DST: variants seen among roughly 807,000 people sequenced by gnomAD.
The protein encoded by DST is dystonin.
DST carries 253 observed loss-of-function variants against 875.2 expected under a neutral mutation model. That is an observed-to-expected ratio of 0.29 (90% CI 0.26 to 0.32). The LOEUF (loss-of-function observed/expected upper bound fraction) is 0.32, where lower values mean the gene tolerates loss of function less well. Among genes scored for constraint, DST ranks in the 10% least tolerant of loss-of-function variants. The probability of loss-of-function intolerance (pLI) is 1.00; values close to 1 mark genes in which losing one functional copy is unlikely to be tolerated. For missense variants in DST, 8,287 were observed against 9,111.6 expected (o/e 0.91, Z 3.68); for synonymous variants, 3,124 against 3,197.1 (o/e 0.98, Z 0.77).
intron 13 of DST, among the ~76,000 whole-genome samples, chr6:56,646,590 C>T (rs2098944087): frequency 6.6e-6 from 1 of 151,904 alleles, no homozygotes; most frequent in Non-Finnish European, 1.5e-5. Context: ...AATAAAAAAA[C>T]TCTCTTCTAT....
intron 55 of DST, 69 bp from the exon 56 acceptor site, chr6:56,562,269 TTA>T: frequency 8.8e-7 from 1 of 1,130,404 alleles, no homozygotes; most frequent in Non-Finnish European, 1.2e-6. Context: ...GTAGATGGCA[TTA>T]AATCAAACCC....
intron 10 of DST, among the ~76,000 whole-genome samples, chr6:56,653,335 AAGAC>A (rs1264641366): frequency 1.3e-5 from 2 of 152,214 alleles, no homozygotes; most frequent in Non-Finnish European, 2.9e-5. Flanking sequence ...CCTCCACTAA[AAGAC>A]AGCAGATAAA....
intron 22 of DST, among the ~76,000 whole-genome samples, chr6:56,638,329 T>C (rs778330545): frequency 5.3e-5 from 8 of 152,130 alleles, no homozygotes; most frequent in Non-Finnish European, 1.0e-4. Context: ...TTAACATTCA[T>C]ATGTGACATT....
rs200391017 is a variant in DST at position 56,617,982 on chromosome 6, A to T, written c.4930-3498T>A. On this transcript the variant is annotated intron_variant, in intron 36 of 103. Coordinates refer to ENST00000680361, the MANE Select transcript of DST (RefSeq NM_001374736.1). ...CTGATAAGGTCTCAGAACACAGAGT[A>T]TACCTCTAAGGGTGTCAAAACCTTC... 23 of 1,610,918 alleles carry T rather than the reference A, an allele frequency of 1.4e-5. No homozygotes were observed. The Admixed American group carries it at 3.8e-4, about 27-fold the overall frequency.
intron 77 of DST, among the ~76,000 whole-genome samples, chr6:56,504,682 T>A (rs553605716): frequency 6.6e-6 from 1 of 152,020 alleles, no homozygotes; most frequent in East Asian, 1.9e-4. Flanking sequence ...TCAAGTCACA[T>A]TTTTTTTAGG....
rs904996327 is a variant in DST at position 56,506,492 on chromosome 6, T to C, written c.19415A>G (p.Lys6472Arg). ...LNKAWKDRID[K>R]LEEAMQAAVQ... ...GGCAGCCTGCATTGCCTCCTCAAGT[T>C]TGTCAATCCGGTCTTTCCAAGCTTT... Residue 6472 changes from lysine to arginine, a missense_variant, in exon 77 of 104, where the codon AAA becomes AGA. Lys to Arg is a conservative substitution (Grantham distance 26). Transcript: ENST00000680361. The C allele has an allele frequency of 2.2e-5, 35 of 1,613,264 alleles. No homozygotes were observed. Among genetic ancestry groups the C allele is most frequent in the Non-Finnish European group, 2.9e-5 (34 of 1,179,568 alleles).
chr6:56,683,472 C>A (rs922544424), intron 9 of DST, among the ~76,000 whole-genome samples: 2 of 152,170 alleles, frequency 1.3e-5, no homozygotes, highest in Admixed American at 6.5e-5. Flanking sequence ...GATCAAATCA[C>A]ATTAATATCA....
intron 3 of DST, among the ~76,000 whole-genome samples, chr6:56,882,421 G>A (rs1782655690): frequency 1.3e-5 from 2 of 152,102 alleles, no homozygotes. Context: ...ATTTATAATA[G>A]GGCTAATATA....
Position 56,572,122 on chromosome 6 carries a change from T to A in DST, c.13699A>T (p.Met4567Leu), listed in dbSNP as rs1483687792. 6.6e-7 allele frequency: 1 copy of A among 1,513,960 alleles called. No individual in the cohort carries two copies. The highest frequency in any genetic ancestry group is 8.8e-7 in the Non-Finnish European group (1 of 1,131,916). The allele number at this position is 1,513,960 out of a possible 1,614,324, so 93.8% of individuals were successfully genotyped here. Residue 4567 changes from methionine (M) to leucine (L), a missense_variant, in exon 53 of 104, where the codon ATG becomes TTG. Met to Leu is a conservative substitution (Grantham distance 15). Coordinates refer to ENST00000680361, the MANE Select transcript of DST (RefSeq NM_001374736.1). ...TACTTTTCTTTGATGGTATCCTCCATTTCCTTGAATTTCTTTGACAAATTA... is the reference window on the plus strand; with the variant it reads ...TACTTTTCTTTGATGGTATCCTCCAATTCCTTGAATTTCTTTGACAAATTA... ...TNNLSKKFKE[M>L]EDTIKEKKEA... is the part of the protein sequence containing the mutation.
chr6:56,784,669 AATTTCCTCCTGT>A (rs1453868247), intron 4 of DST, among the ~76,000 whole-genome samples: 1 of 152,116 alleles, frequency 6.6e-6, no homozygotes, highest in African/African-American at 2.4e-5. Context: ...CTTTGGTTTG[AATTTCCTCCTGT>A]AGCTCGGAGT....
intron 49 of DST, among the ~76,000 whole-genome samples, chr6:56,591,981 C>CCAA (rs2098282242): frequency 1.6e-5 from 1 of 63,942 alleles, no homozygotes; most frequent in Non-Finnish European, 2.8e-5. Context: ...GACTCCATCT[C>CCAA]AAAAAAAAAA....
chr6:56,655,575 C>G (rs896820302), intron 10 of DST, among the ~76,000 whole-genome samples: 5 of 152,200 alleles, frequency 3.3e-5, no homozygotes, highest in African/African-American at 1.2e-4. Flanking sequence ...CAGTAAGGTT[C>G]TGGCTACCCT....
chr6:56,528,928 G>A lies in DST; in HGVS notation c.17596-3C>T, dbSNP rs777009329. ...AGTAAGATGTCCTCTTGCAGAACCT[G>A]AAAACACAGGTACCATTTTTATGTG... On this transcript the variant is annotated splice_region_variant and splice_polypyrimidine_tract_variant and intron_variant, in intron 66 of 103. Coordinates refer to ENST00000680361, the MANE Select transcript of DST (RefSeq NM_001374736.1). The A allele has an allele frequency of 1.3e-6, 2 of 1,567,932 alleles. No individual in the cohort carries two copies. Among genetic ancestry groups the A allele is most frequent in the East Asian group, 2.3e-5 (1 of 43,824 alleles).
intron 36 of DST, chr6:56,618,841 C>G: frequency 6.2e-7 from 1 of 1,614,136 alleles, no homozygotes; most frequent in Non-Finnish European, 8.5e-7. Context: ...TGTGGGTCAT[C>G]TGCTCCTCTA....
chr6:56,487,266 T>C lies in DST; in HGVS notation c.20885A>G (p.Gln6962Arg). 1 of 1,561,726 alleles carries C rather than the reference T, an allele frequency of 6.4e-7. No homozygotes were observed. The highest frequency in any genetic ancestry group is 8.7e-7 in the Non-Finnish European group (1 of 1,154,172). Residue 6962 changes from glutamine to arginine, a missense_variant, in exon 87 of 104, where the codon CAG becomes CGG. Physicochemically the swap from Gln to Arg is conservative, Grantham distance 43. Transcript: ENST00000680361. ...AGAATGCTTGGCTCCGAGTGATTTC[T>C]GAAACTCCTAAATATTTAACAAGAA... ...KTQLAQHKEF[Q>R]KSLGAKHSVY...
Position 56,476,354 on chromosome 6 carries a change from A to T in DST, c.21676-17T>A, listed in dbSNP as rs768959196. 5.9e-6 allele frequency: 9 copies of T among 1,517,408 alleles called. No homozygotes were observed. The highest frequency in any genetic ancestry group is 2.4e-5 in the Admixed American group (1 of 42,392). The allele number at this position is 1,517,408 out of a possible 1,614,324, so 94.0% of individuals were successfully genotyped here. A position where few individuals can be genotyped will look rare whatever the true frequency, so the allele number is the denominator to read the frequency against. On this transcript the variant is annotated splice_polypyrimidine_tract_variant and intron_variant, in intron 91 of 103. Coordinates refer to ENST00000680361, the MANE Select transcript of DST (RefSeq NM_001374736.1). Reference sequence around the variant, plus strand: ...GGCCAGCACCTGTCAGAGAAACAGAAATTTCTCTGAATTTCCTCCAACTTA... The same window carrying T: ...GGCCAGCACCTGTCAGAGAAACAGATATTTCTCTGAATTTCCTCCAACTTA...
intron 61 of DST, among the ~76,000 whole-genome samples, chr6:56,543,435 G>A (rs79415889): frequency 0.018 from 2,688 of 152,168 alleles, 76 homozygotes; most frequent in African/African-American, 0.062. Context: ...TACTCTTGAG[G>A]TTAACACAAG....
intron 10 of DST, 35 bp from the exon 11 acceptor site, chr6:56,651,279 T>C (rs1024146095): frequency 7.5e-7 from 1 of 1,332,228 alleles, no homozygotes; most frequent in Middle Eastern, 1.8e-4. Flanking sequence ...TTAGGTTTTC[T>C]CATGTGCCAA....
chr6:56,707,900 T>C (rs2099347676), intron 5 of DST, among the ~76,000 whole-genome samples: 1 of 152,204 alleles, frequency 6.6e-6, no homozygotes, highest in African/African-American at 2.4e-5. Context: ...CCGGGTGTGG[T>C]GGCTCACGCC....
Sources: allele counts gnomAD v4.1 joint callset (sites outside exome capture counted in the v4.1 genomes callset), GRCh38; gene constraint gnomAD v4.1.1; transcripts MANE v1.5; gene names NCBI Gene and HGNC (gene_info 2026-07-23, HGNC 2026-07-21).